The following PARVA variants were observed in gnomAD, a reference collection of about 807,000 sequenced individuals.
The protein encoded by PARVA is parvin alpha, also known as alpha-parvin.
In PARVA, 25 loss-of-function variants were observed where a neutral mutation model predicts 52.6. The ratio of observed to expected loss-of-function variants is 0.48; its 90% confidence interval spans 0.35 to 0.66. The LOEUF is 0.66. Among genes scored for constraint, PARVA ranks in the 30% least tolerant of loss-of-function variants. The pLI is 0.01. For missense variants in PARVA, 373 were observed against 450.9 expected (o/e 0.83, Z 1.56); for synonymous variants, 185 against 179.1 (o/e 1.03, Z -0.26).
chr11:12,419,494 C>T (rs1435672507), intron 1 of PARVA, among the ~76,000 whole-genome samples: 1 of 152,068 alleles, frequency 6.6e-6, no homozygotes, highest in African/African-American at 2.4e-5. Flanking sequence ...ATGTGTATAC[C>T]ACATTTTGTT....
chr11:12,448,131 T>C (rs953512088), intron 1 of PARVA, among the ~76,000 whole-genome samples: 3 of 152,198 alleles, frequency 2.0e-5, no homozygotes, highest in African/African-American at 4.8e-5. Flanking sequence ...CTGATTAACC[T>C]ACCTTACAGT....
At chr11:12,409,497 C>T (rs899843529) in intron 1 of PARVA, among the ~76,000 whole-genome samples, 1 of 152,062 alleles carries the variant, frequency 6.6e-6, no homozygotes. Context: ...TCCAGGTGCA[C>T]CGAATGTGAT....
chr11:12,485,664 C>T (rs10831832), intron 4 of PARVA, among the ~76,000 whole-genome samples: 51,479 of 152,012 alleles, frequency 0.34, 10,456 homozygotes, highest in East Asian at 0.55. Context: ...AACAAAAAGA[C>T]AACTCTGCCT....
chr11:12,517,770 CA>C (rs1941589000), intron 11 of PARVA, 59 bp downstream of exon 11: 1 of 1,184,684 alleles, frequency 8.4e-7, no homozygotes. Context: ...CTCATGTGCC[CA>C]CACCCATGCT....
rs1395599956 is a variant in PARVA at position 12,531,126 on chromosome 11, T to G, written c.*3201T>G. ...GGTTACTACATACGCTATAATACTGTACTATAAAGTCTAGCTGCCAGCAAT... is the reference window on the plus strand; with the variant it reads ...GGTTACTACATACGCTATAATACTGGACTATAAAGTCTAGCTGCCAGCAAT... On this transcript the variant is annotated 3_prime_UTR_variant, in exon 13 of 13. Transcript: ENST00000334956. Among the ~76,000 whole-genome samples, 1 of 152,228 alleles carries G rather than the reference T, an allele frequency of 6.6e-6. No homozygotes were observed. Among genetic ancestry groups the G allele is most frequent in the Non-Finnish European group, 1.5e-5 (1 of 68,044 alleles).
chr11:12,383,819 T>TCTAATACATTTAG (rs1354675954), intron 1 of PARVA, among the ~76,000 whole-genome samples: 1 of 152,204 alleles, frequency 6.6e-6, no homozygotes, highest in Admixed American at 6.5e-5. Flanking sequence ...CAAAAAAGTT[T>TCTAATACATTTAG]CTAATACATT....
At chr11:12,393,908 G>A (rs1445878847) in intron 1 of PARVA, among the ~76,000 whole-genome samples, 2 of 152,166 alleles carry the variant, frequency 1.3e-5, no homozygotes, top group Admixed American at 6.5e-5. Context: ...GGAAAAATGT[G>A]TGGTTGCACA....
intron 1 of PARVA, among the ~76,000 whole-genome samples, chr11:12,384,632 C>T (rs72859085): frequency 0.023 from 3,533 of 152,064 alleles, 61 homozygotes; most frequent in Non-Finnish European, 0.038. Context: ...GATTTGAGTC[C>T]CAATCTGAAG....
Position 12,528,029 on chromosome 11 carries a change from C to G in PARVA, c.*104C>G, listed in dbSNP as rs920544607. 1.2e-6 allele frequency: 1 copy of G among 817,156 alleles called. No homozygotes were observed. The highest frequency in any genetic ancestry group is 2.4e-5 in the East Asian group (1 of 40,982). 50.6% of individuals were successfully genotyped at this position (817,156 alleles called of 1,614,324 possible). ...GCTTATTCCTGTCTCTTGCACTGTG[C>G]TCTCCCACAAGTCCAGCTGCAACCC... On this transcript the variant is annotated 3_prime_UTR_variant, in exon 13 of 13. Transcript: ENST00000334956.
intron 12 of PARVA, among the ~76,000 whole-genome samples, chr11:12,526,521 G>A (rs942166473): frequency 1.3e-5 from 2 of 152,064 alleles, no homozygotes; most frequent in Non-Finnish European, 2.9e-5. Flanking sequence ...AAACATAAAT[G>A]TACAGGTTAG....
At chr11:12,513,545 G>T in intron 9 of PARVA, 185 bp downstream of exon 9, 1 of 711,718 alleles carries the variant, frequency 1.4e-6, no homozygotes. Context: ...TTGCACCTGG[G>T]CCTTTTCCCC....
At chr11:12,425,353 A>G (rs1940216191) in intron 1 of PARVA, among the ~76,000 whole-genome samples, 1 of 152,238 alleles carries the variant, frequency 6.6e-6, no homozygotes, top group Non-Finnish European at 1.5e-5. Context: ...GAGAATGGTC[A>G]TATCACCTCT....
At chr11:12,428,903 G>T (rs1469454478) in intron 1 of PARVA, among the ~76,000 whole-genome samples, 4 of 152,222 alleles carry the variant, frequency 2.6e-5, no homozygotes, top group Non-Finnish European at 4.4e-5. Context: ...TCAGGAATTT[G>T]GGGGAAGGGT....
At position 12,528,315 on chromosome 11, in the gene PARVA, T is replaced by C; in HGVS notation, c.*390T>C. 4.7e-6 allele frequency: 1 copy of C among 213,330 alleles called. No homozygotes were observed. The highest frequency in any genetic ancestry group is 9.5e-6 in the Non-Finnish European group (1 of 105,078). 13.2% of individuals were successfully genotyped at this position (213,330 alleles called of 1,614,324 possible). A position where few individuals can be genotyped will look rare whatever the true frequency, so the allele number is the denominator to read the frequency against. ...CCCCACACTAAGTGCTCTGCTCTGA[T>C]ATACTCAAGGCCATTAATCTTCAGG... is the stretch of plus-strand genomic sequence containing the variant. On this transcript the variant is annotated 3_prime_UTR_variant, in exon 13 of 13. Coordinates refer to ENST00000334956, the MANE Select transcript of PARVA (RefSeq NM_018222.5).
chr11:12,457,958 G>A (rs924127867), intron 1 of PARVA, among the ~76,000 whole-genome samples: 8 of 152,198 alleles, frequency 5.3e-5, no homozygotes, highest in African/African-American at 1.9e-4. Context: ...GACCAGAGTC[G>A]GCCCTCAGCC....
intron 1 of PARVA, among the ~76,000 whole-genome samples, chr11:12,440,858 T>G (rs573372008): frequency 2.8e-3 from 425 of 152,366 alleles, no homozygotes; most frequent in African/African-American, 9.8e-3. Context: ...CCTCTTCTGC[T>G]ACCTGCTTTT....
intron 12 of PARVA, among the ~76,000 whole-genome samples, 151 bp downstream of exon 12, chr11:12,518,668 C>A (rs1449133077): frequency 6.6e-6 from 1 of 152,182 alleles, no homozygotes; most frequent in African/African-American, 2.4e-5. Context: ...CCCAGAGACC[C>A]TTTGTGAGCT....
In PARVA at chr11:12,377,594, C is replaced by A; in HGVS notation, c.-54C>A. On this transcript the variant is annotated 5_prime_UTR_variant, in exon 1 of 13. Coordinates refer to ENST00000334956, the MANE Select transcript of PARVA (RefSeq NM_018222.5). ...TCAGTCCCGCCGCCGCCCGCTGCGT[C>A]CGCCCAGCGCCAGCTCCGCGTCCCG... is the stretch of plus-strand genomic sequence containing the variant. 6.6e-7 allele frequency: 1 copy of A among 1,509,400 alleles called. No individual in the cohort carries two copies. Among genetic ancestry groups the A allele is most frequent in the Non-Finnish European group, 8.8e-7 (1 of 1,132,904 alleles). The allele number at this position is 1,509,400 out of a possible 1,614,324, so 93.5% of individuals were successfully genotyped here. A position where few individuals can be genotyped will look rare whatever the true frequency, so the allele number is the denominator to read the frequency against.
At chr11:12,450,260 C>T (rs1017791628) in intron 1 of PARVA, among the ~76,000 whole-genome samples, 3 of 152,300 alleles carry the variant, frequency 2.0e-5, no homozygotes, top group South Asian at 4.1e-4. Context: ...GCCGCCACCC[C>T]ATGGAATAGA....
Sources: allele counts gnomAD v4.1 joint callset (sites outside exome capture counted in the v4.1 genomes callset), GRCh38; gene constraint gnomAD v4.1.1; transcripts MANE v1.5; gene names NCBI Gene and HGNC (gene_info 2026-07-23, HGNC 2026-07-21).